The following NHSL1 variants were observed in gnomAD, a reference collection of about 807,000 sequenced individuals.
The protein encoded by NHSL1 is NHS-like protein 1.
NHSL1 carries 48 observed loss-of-function variants against 95.0 expected under a neutral mutation model. The ratio of observed to expected loss-of-function variants is 0.51; its 90% CI spans 0.40 to 0.64. The LOEUF is 0.64. Among genes scored for constraint, NHSL1 ranks in the 30% least tolerant of loss-of-function variants. The pLI, the probability that NHSL1 is intolerant of heterozygous loss-of-function variation, is 0.00. For missense variants in NHSL1, 1,971 were observed against 2,077.7 expected (o/e 0.95, Z 1.00); for synonymous variants, 783 against 833.9 (o/e 0.94, Z 1.05).
At chr6:138,653,127 T>C (rs1333774805) in intron 1 of NHSL1, among the ~76,000 whole-genome samples, 1 of 152,228 alleles carries the variant, frequency 6.6e-6, no homozygotes, top group Non-Finnish European at 1.5e-5. Context: ...AATTGCTCAG[T>C]GAAATTAAAT....
chr6:138,451,863 T>A (rs537312729), intron 3 of NHSL1, among the ~76,000 whole-genome samples: 3 of 152,158 alleles, frequency 2.0e-5, no homozygotes, highest in African/African-American at 4.8e-5. Flanking sequence ...TAAATAAGAA[T>A]GAAACCTTTT....
chr6:138,674,856 A>G (rs1785428440), intron 1 of NHSL1, among the ~76,000 whole-genome samples: 2 of 152,094 alleles, frequency 1.3e-5, no homozygotes, highest in East Asian at 3.9e-4. Flanking sequence ...TGCTGGGTAA[A>G]GACTGATAAA....
chr6:138,653,404 A>G (rs9495184), intron 1 of NHSL1, among the ~76,000 whole-genome samples: 6,361 of 152,098 alleles, frequency 0.042, 349 homozygotes, highest in African/African-American at 0.13. Context: ...AAATACAAAA[A>G]CTAGCCAGGC....
chr6:138,637,875 G>A (rs1012024725), intron 1 of NHSL1, among the ~76,000 whole-genome samples: 1 of 152,156 alleles, frequency 6.6e-6, no homozygotes, highest in African/African-American at 2.4e-5. Context: ...CTACTACTAG[G>A]TATATACCCA....
In NHSL1 at chr6:138,580,867, C is replaced by T. The variant is rs572478587; in HGVS notation, c.97-84496G>A. Among the ~76,000 whole-genome samples the T allele has an allele frequency of 1.6e-4, 24 of 152,268 alleles. No homozygotes were observed. In the South Asian group the frequency reaches 2.3e-3, roughly 14 times the overall value. ...AGATGTAGACTATGGTGGATTAGCG[C>T]GGGCTAATATAGCCCTGGGCGGGCT... On this transcript the variant is annotated intron_variant, in intron 1 of 3. Transcript: ENST00000491526.
At position 138,464,070 on chromosome 6, in the gene NHSL1, T is replaced by A. The variant is rs1172977514; in HGVS notation, c.339+9236A>T. 9 of 432,350 alleles carry A rather than the reference T, an allele frequency of 2.1e-5. No homozygotes were observed. The East Asian group carries it at 4.1e-4, about 20-fold the overall frequency. The allele number at this position is 432,350 out of a possible 1,614,324, so 26.8% of individuals were successfully genotyped here. ...TTTACTCAGTAAATGAATGAGGGGG[T>A]GAGCAAGATGGTGGCCGCGCACGAG... On this transcript the variant is annotated intron_variant, in intron 3 of 7. Transcript: ENST00000343505.
chr6:138,675,661 A>G (rs1785439634), intron 1 of NHSL1, among the ~76,000 whole-genome samples: 1 of 151,962 alleles, frequency 6.6e-6, no homozygotes, highest in African/African-American at 2.4e-5. Context: ...CAGCCCCCCA[A>G]ATAGCTGGGA....
chr6:138,499,489 G>C lies in NHSL1; in HGVS notation c.-199C>G. The stretch of plus-strand genomic sequence containing the variant: ...CAGTTACAAACCATTAACAGTCCTT[G>C]AACCTGAAAAACTCCTACTGAAACC... On this transcript the variant is annotated 5_prime_UTR_variant, in exon 1 of 8. Transcript: ENST00000343505. The C allele has an allele frequency of 7.9e-7, 1 of 1,260,830 alleles. No homozygotes were observed. Among genetic ancestry groups the C allele is most frequent in the Non-Finnish European group, 1.0e-6 (1 of 971,996 alleles). The allele number at this position is 1,260,830 out of a possible 1,614,324, so 78.1% of individuals were successfully genotyped here. A position where few individuals can be genotyped will look rare whatever the true frequency, so the allele number is the denominator to read the frequency against.
rs1420962158 is a variant in NHSL1 at position 138,431,168 on chromosome 6, C to T, written c.3177G>A (p.Glu1059=). The T allele has an allele frequency of 6.4e-7, 1 of 1,551,188 alleles. No homozygotes were observed. Among genetic ancestry groups the T allele is most frequent in the South Asian group, 1.2e-5 (1 of 84,022 alleles). The change falls in exon 6 of 8, where the codon GAG becomes GAA. Residue 1059 remains glutamate, a synonymous_variant. Coordinates refer to ENST00000343505, the MANE Select transcript of NHSL1 (RefSeq NM_001144060.2). This position sits in a 1 kb window ranked among gnomAD's most constrained non-coding sequence, Gnocchi z 4.0. The part of the protein sequence containing the change: ...GSLRPPSTKE[E]TSRPPMPLIT... The stretch of plus-strand genomic sequence containing the variant: ...TCAGGGGCATGGGGGGCCTGCTGGT[C>T]TCCTCCTTGGTAGAAGGCGGCCTCA...
intron 1 of NHSL1, among the ~76,000 whole-genome samples, chr6:138,649,170 A>G (rs1189649606): frequency 6.6e-6 from 1 of 152,096 alleles, no homozygotes; most frequent in Non-Finnish European, 1.5e-5. Flanking sequence ...AGACAAGAAC[A>G]AGCAATCTTT....
At chr6:138,609,833 G>A (rs1198243685) in intron 1 of NHSL1, among the ~76,000 whole-genome samples, 2 of 151,348 alleles carry the variant, frequency 1.3e-5, no homozygotes, top group African/African-American at 4.9e-5. Context: ...TAAATGTAAA[G>A]TGCTCAGCAC....
At chr6:138,657,948 CTG>C (rs1354667160) in intron 1 of NHSL1, among the ~76,000 whole-genome samples, 6 of 147,056 alleles carry the variant, frequency 4.1e-5, no homozygotes, top group East Asian at 2.0e-4. Context: ...AAAGAAAAAA[CTG>C]AACATATTTC....
At chr6:138,511,376 A>C (rs562407905) in intron 1 of NHSL1, among the ~76,000 whole-genome samples, 1 of 151,586 alleles carries the variant, frequency 6.6e-6, no homozygotes, top group African/African-American at 2.4e-5. Flanking sequence ...GGTAGACAAA[A>C]AACCACTGAG....
Position 138,476,831 on chromosome 6 carries a change from A to T in NHSL1, c.212-3398T>A, listed in dbSNP as rs117000841. On this transcript the variant is annotated intron_variant, in intron 2 of 7. Coordinates refer to ENST00000343505, the MANE Select transcript of NHSL1 (RefSeq NM_001144060.2). Reference sequence around the variant, plus strand: ...AACAAGAGCGAAACTCCATCTCAGAAAAAAGAAAAAAAATTATCTATTGGG... The same window carrying T: ...AACAAGAGCGAAACTCCATCTCAGATAAAAGAAAAAAAATTATCTATTGGG... 6.7e-3 allele frequency among the ~76,000 whole-genome samples: 1,025 copies of T among 152,124 alleles called. 26 individuals carry two copies. Among genetic ancestry groups the T allele is most frequent in the East Asian group, 0.058 (298 of 5,176 alleles).
At chr6:138,510,090 A>G (rs964437508) in intron 1 of NHSL1, among the ~76,000 whole-genome samples, 4 of 152,210 alleles carry the variant, frequency 2.6e-5, no homozygotes, top group Admixed American at 6.5e-5. Context: ...TTAATAATCA[A>G]TAAGTATAAA....
At chr6:138,531,384 C>T (rs989279252) in intron 1 of NHSL1, among the ~76,000 whole-genome samples, 12 of 152,150 alleles carry the variant, frequency 7.9e-5, no homozygotes, top group African/African-American at 2.7e-4. Context: ...TCTTCCAGGG[C>T]AAGGCATGGT....
At chr6:138,623,094 T>C (rs1229037481) in intron 1 of NHSL1, among the ~76,000 whole-genome samples, 1 of 152,194 alleles carries the variant, frequency 6.6e-6, no homozygotes, top group Non-Finnish European at 1.5e-5. Flanking sequence ...ACCAAGGATG[T>C]TGAGCAGGTG....
At chr6:138,620,537 A>G (rs889886528) in intron 1 of NHSL1, among the ~76,000 whole-genome samples, 2 of 152,248 alleles carry the variant, frequency 1.3e-5, no homozygotes, top group African/African-American at 2.4e-5. Context: ...AAATAGGTCA[A>G]TATGGTTGGT....
chr6:138,453,320 A>T (rs1400605887), intron 3 of NHSL1, among the ~76,000 whole-genome samples: 3 of 151,010 alleles, frequency 2.0e-5, no homozygotes, highest in Non-Finnish European at 4.4e-5. Context: ...CTTTACCTCA[A>T]ATCTAATTGC....
Sources: gnomAD v4.1 joint callset for allele counts (sites outside exome capture counted in the v4.1 genomes callset) on GRCh38, gnomAD v4.1.1 for gene constraint, Gnocchi (gnomAD v3.1) non-coding constraint, MANE v1.5 for transcripts, NCBI Gene and HGNC (gene_info 2026-07-23, HGNC 2026-07-21) for gene names.